Variants in DLG2 observed in about 807,000 individuals in gnomAD.
The protein encoded by DLG2 is disks large homolog 2.
A neutral mutation model predicts 132.5 loss-of-function variants in DLG2; 45 were observed. The ratio of observed to expected loss-of-function variants is 0.34; its 90% CI spans 0.27 to 0.44. The LOEUF is 0.44. Among genes scored for constraint, DLG2 ranks in the 20% least tolerant of loss-of-function variants. The pLI is 1.00. For missense variants in DLG2, 1,045 were observed against 1,196.9 expected (o/e 0.87, Z 1.87); for synonymous variants, 424 against 419.6 (o/e 1.01, Z -0.13).
At chr11:84,227,184 G>A (rs1490567544) in intron 8 of DLG2, among the ~76,000 whole-genome samples, 1 of 152,030 alleles carries the variant, frequency 6.6e-6, no homozygotes, top group African/African-American at 2.4e-5. Context: ...GCTTCATGGA[G>A]GAGGTGGCAT....
intron 6 of DLG2, among the ~76,000 whole-genome samples, chr11:84,959,457 C>T (rs1002130637): frequency 1.1e-4 from 16 of 152,120 alleles, no homozygotes; most frequent in East Asian, 1.9e-4. Flanking sequence ...TTGGCAAACA[C>T]CTTCTAGAGT....
At chr11:83,700,645 T>G (rs981848606) in intron 18 of DLG2, among the ~76,000 whole-genome samples, 1 of 152,232 alleles carries the variant, frequency 6.6e-6, no homozygotes, top group Non-Finnish European at 1.5e-5. Context: ...AATGTTATTT[T>G]CTTTCACTGT....
chr11:84,907,435 A>G (rs917267993), intron 6 of DLG2, among the ~76,000 whole-genome samples: 39 of 152,264 alleles, frequency 2.6e-4, no homozygotes, highest in Admixed American at 4.6e-4. Context: ...AGTTTTCCCA[A>G]CAACAGTTCA....
At chr11:85,551,626 TAAG>T (rs1383539980) in intron 3 of DLG2, among the ~76,000 whole-genome samples, 1 of 152,056 alleles carries the variant, frequency 6.6e-6, no homozygotes, top group Non-Finnish European at 1.5e-5. Context: ...ATTAATTTCA[TAAG>T]AAAGATGATG....
intron 18 of DLG2, among the ~76,000 whole-genome samples, chr11:83,736,945 A>C (rs2091978669): frequency 1.3e-5 from 2 of 151,710 alleles, no homozygotes; most frequent in East Asian, 1.9e-4. Flanking sequence ...TGGGTGGTAC[A>C]ATTCCAAGAT....
At chr11:83,613,931 T>C (rs569401731) in intron 19 of DLG2, among the ~76,000 whole-genome samples, 9 of 152,274 alleles carry the variant, frequency 5.9e-5, no homozygotes, top group African/African-American at 1.7e-4. Context: ...CATCAAGGTT[T>C]TGAAGAGCTC....
chr11:84,030,253 G>T (rs1231220460), intron 11 of DLG2, among the ~76,000 whole-genome samples: 5 of 151,978 alleles, frequency 3.3e-5, no homozygotes, highest in African/African-American at 1.2e-4. Context: ...TTACATTACT[G>T]ATAATTGAGG....
intron 3 of DLG2, among the ~76,000 whole-genome samples, chr11:85,496,059 G>A (rs906079608): frequency 3.9e-5 from 6 of 152,164 alleles, no homozygotes; most frequent in African/African-American, 1.4e-4. Flanking sequence ...TGGACAGTGG[G>A]TGCAGCCCAC....
chr11:84,362,879 TGTG>T (rs2098658366), intron 7 of DLG2, among the ~76,000 whole-genome samples: 1 of 152,208 alleles, frequency 6.6e-6, no homozygotes, highest in Non-Finnish European at 1.5e-5. Context: ...ATGGTGTATA[TGTG>T]CCATATTTTC....
chr11:85,453,077 T>G, intron 3 of DLG2: 1 of 197,958 alleles, frequency 5.1e-6, no homozygotes, highest in Non-Finnish European at 1.1e-5. Flanking sequence ...AGGAGCACTT[T>G]TTGTCTTGCT....
intron 4 of DLG2, among the ~76,000 whole-genome samples, chr11:85,173,168 C>T (rs760178233): frequency 3.2e-4 from 49 of 152,006 alleles, no homozygotes; most frequent in Non-Finnish European, 5.1e-4. Flanking sequence ...GATGCATAAT[C>T]GTCAGATTCT....
At chr11:84,081,338 C>A (rs1486264373) in intron 10 of DLG2, among the ~76,000 whole-genome samples, 1 of 151,818 alleles carries the variant, frequency 6.6e-6, no homozygotes, top group Admixed American at 6.6e-5. Flanking sequence ...TTGAGTGTTA[C>A]AACCTCTCCA....
chr11:83,555,078 G>C (rs1480876691), intron 19 of DLG2, among the ~76,000 whole-genome samples: 1 of 152,248 alleles, frequency 6.6e-6, no homozygotes, highest in African/African-American at 2.4e-5. Flanking sequence ...GGAGGGACCA[G>C]GTTGGGAAGG....
At chr11:84,197,158 T>C (rs1283554181) in intron 8 of DLG2, among the ~76,000 whole-genome samples, 1 of 152,014 alleles carries the variant, frequency 6.6e-6, no homozygotes, top group Non-Finnish European at 1.5e-5. Context: ...AGTATTTTTA[T>C]ACTAAGCTAT....
chr11:84,418,515 A>G lies in DLG2; in HGVS notation c.519+116055T>C, dbSNP rs546707592. 8.5e-5 allele frequency among the ~76,000 whole-genome samples: 13 copies of G among 152,340 alleles called. No individual in the cohort carries two copies. In the South Asian group the frequency reaches 2.7e-3, roughly 32 times the overall value. On this transcript the variant is annotated intron_variant, in intron 7 of 27. Transcript: ENST00000376104. ...CATGAAATAACTTACTCAAAATTAA[A>G]TAATAAACAAAGTCCTGAGTTTGAA...
At chr11:84,749,875 G>C (rs2065889203) in intron 6 of DLG2, among the ~76,000 whole-genome samples, 2 of 152,098 alleles carry the variant, frequency 1.3e-5, no homozygotes, top group Admixed American at 1.3e-4. Flanking sequence ...TCAATGTAAA[G>C]CAGAATTTTC....
At chr11:85,029,580 C>T (rs2060837261) in intron 6 of DLG2, among the ~76,000 whole-genome samples, 1 of 152,150 alleles carries the variant, frequency 6.6e-6, no homozygotes, top group Admixed American at 6.5e-5. Flanking sequence ...GTATTAGGCC[C>T]CTCCAATGTG....
intron 4 of DLG2, among the ~76,000 whole-genome samples, chr11:85,262,763 C>A (rs1337954992): frequency 6.6e-6 from 1 of 152,170 alleles, no homozygotes; most frequent in Non-Finnish European, 1.5e-5. Context: ...ACTTTCCAGG[C>A]CTTCTCCCTG....
At chr11:85,420,903 A>G (rs1338479933) in intron 3 of DLG2, among the ~76,000 whole-genome samples, 1 of 152,156 alleles carries the variant, frequency 6.6e-6, no homozygotes, top group East Asian at 1.9e-4. Context: ...GAGCTAGACC[A>G]CTTGGCTTCC....
Sources: allele counts gnomAD v4.1 joint callset (sites outside exome capture counted in the v4.1 genomes callset), GRCh38; gene constraint gnomAD v4.1.1; transcripts MANE v1.5; gene names NCBI Gene and HGNC (gene_info 2026-07-23, HGNC 2026-07-21).